Variants in HMGXB3 observed in about 807,000 individuals in gnomAD.
HMGXB3 encodes the protein HMG-box containing 3.
In HMGXB3, 45 loss-of-function variants were observed where a neutral mutation model predicts 121.5. That is an observed-to-expected ratio of 0.37 (90% confidence interval 0.29 to 0.47). The LOEUF is 0.47. Among genes scored for constraint, HMGXB3 ranks in the 20% least tolerant of loss-of-function variants. The pLI is 0.99. For synonymous variants in HMGXB3, 590 were observed against 624.1 expected, an observed-to-expected ratio of 0.95 and a Z score of 0.81; for missense variants, 1,376 against 1,602.2, an observed-to-expected ratio of 0.86 and a Z score of 2.41.
In HMGXB3 at chr5:150,046,865, T is replaced by C. The variant is rs1230047438; in HGVS notation, c.2951-759T>C. Among the ~76,000 whole-genome samples, 3 of 150,902 alleles carry C rather than the reference T, an allele frequency of 2.0e-5. No homozygotes were observed. In the East Asian group the frequency reaches 5.9e-4, roughly 30 times the overall value. The stretch of plus-strand genomic sequence containing the variant: ...GATACTGAGGTCCACCTCATATTCC[T>C]GCTAATATTTTAAGGGCCCAGGCAT... On this transcript the variant is annotated intron_variant, in intron 16 of 19. Coordinates refer to ENST00000502717, the MANE Select transcript of HMGXB3 (RefSeq NM_014983.3).
At chr5:150,042,483 C>T (rs896095079) in intron 15 of HMGXB3, among the ~76,000 whole-genome samples, 1 of 152,104 alleles carries the variant, frequency 6.6e-6, no homozygotes, top group Non-Finnish European at 1.5e-5. Flanking sequence ...AGATCTGAAA[C>T]CCATGTGGCT....
At chr5:150,026,626 A>G (rs1756236099) in intron 7 of HMGXB3, 80 bp from the exon 8 acceptor site, 2 of 1,241,082 alleles carry the variant, frequency 1.6e-6, no homozygotes, top group Non-Finnish European at 2.2e-6. Flanking sequence ...ATCCTCTAAG[A>G]AAGCACTATG....
chr5:150,010,223 G>A lies in HMGXB3; in HGVS notation c.425G>A (p.Arg142Gln), dbSNP rs754476196. The A allele has an allele frequency of 1.5e-5, 23 of 1,551,718 alleles. No individual in the cohort carries two copies. Among genetic ancestry groups the A allele is most frequent in the African/African-American group, 4.1e-5 (3 of 73,006 alleles). The stretch of plus-strand genomic sequence containing the variant: ...CCCAAGAGCAGCCTGCAGGAGGACC[G>A]GAGCTGCCCTCAGCTAGAGCTATGT... ...IIPKSSLQEDRSCPQLELCVA... is the reference protein window; with the variant it reads ...IIPKSSLQEDQSCPQLELCVA... Residue 142 changes from arginine (R) to glutamine (Q), a missense_variant, in exon 4 of 20, where the codon CGG becomes CAG. This residue lies in a region of HMGXB3 where 1,116 missense variants were observed against 1,369.0 expected (regional missense o/e 0.82). Coordinates refer to ENST00000502717, the MANE Select transcript of HMGXB3 (RefSeq NM_014983.3).
In HMGXB3 at chr5:150,050,470, C is replaced by T. The variant is rs935889732; in HGVS notation, c.3411+9C>T. Reference sequence around the variant, plus strand: ...CCACAGAGCCACCTGTGGTGAGTCACCTCCTGAGGAACTGCCATGTCTCCT... The same window carrying T: ...CCACAGAGCCACCTGTGGTGAGTCATCTCCTGAGGAACTGCCATGTCTCCT... On this transcript the variant is annotated intron_variant, in intron 19 of 19. Coordinates refer to ENST00000502717, the MANE Select transcript of HMGXB3 (RefSeq NM_014983.3). The T allele has an allele frequency of 2.8e-5, 43 of 1,542,252 alleles. No individual in the cohort carries two copies. Among genetic ancestry groups the T allele is most frequent in the Middle Eastern group, 1.7e-4 (1 of 5,980 alleles).
At chr5:150,025,634 C>T (rs951553676) in intron 7 of HMGXB3, among the ~76,000 whole-genome samples, 2 of 151,936 alleles carry the variant, frequency 1.3e-5, no homozygotes. Context: ...GTGGTGCGAA[C>T]ACAGCTCCCT....
In HMGXB3 at chr5:150,010,574, T is replaced by C. The variant is rs1380200981; in HGVS notation, c.776T>C (p.Val259Ala). ...TGSLAVPHPQ[V>A]GESVSVVTVM... ...AGCCTGGCTGTGCCCCACCCCCAGG[T>C]TGGGGAGAGTGTATCAGTGGTAACA... Residue 259 changes from valine (V) to alanine (A), a missense_variant, in exon 4 of 20, where the codon GTT becomes GCT. Transcript: ENST00000502717. 3 of 1,551,018 alleles carry C rather than the reference T, an allele frequency of 1.9e-6. No individual in the cohort carries two copies. Among genetic ancestry groups the C allele is most frequent in the African/African-American group, 2.7e-5 (2 of 73,018 alleles).
At chr5:150,001,298 C>G (rs970784578) in intron 1 of HMGXB3, 119 bp downstream of exon 1, 2 of 152,322 alleles carry the variant, frequency 1.3e-5, no homozygotes, top group Non-Finnish European at 1.5e-5. Flanking sequence ...TTAGTGTCCT[C>G]CTTCCGCAAT....
At chr5:150,051,148 G>T (rs972714744) in intron 19 of HMGXB3, among the ~76,000 whole-genome samples, 1 of 152,170 alleles carries the variant, frequency 6.6e-6, no homozygotes, top group Admixed American at 6.5e-5. Flanking sequence ...CAGATTAGTG[G>T]CAGAGCCCTT....
intron 6 of HMGXB3, among the ~76,000 whole-genome samples, chr5:150,019,259 T>A (rs1217832776): frequency 6.6e-6 from 1 of 152,234 alleles, no homozygotes; most frequent in Non-Finnish European, 1.5e-5. Flanking sequence ...TTTACTTGTT[T>A]CTGTCATCCC....
At chr5:150,027,275 C>T (rs1260961180) in intron 9 of HMGXB3, among the ~76,000 whole-genome samples, 158 bp downstream of exon 9, 1 of 152,232 alleles carries the variant, frequency 6.6e-6, no homozygotes, top group African/African-American at 2.4e-5. Flanking sequence ...TAAGTAATTT[C>T]TTAAAACTTA....
chr5:150,043,673 A>T (rs1756690910), intron 15 of HMGXB3, among the ~76,000 whole-genome samples: 1 of 152,222 alleles, frequency 6.6e-6, no homozygotes. Flanking sequence ...GCTAAGATTT[A>T]TTGAGCATTT....
chr5:150,037,255 AC>A (rs1756521147), intron 12 of HMGXB3, 144 bp from the exon 13 acceptor site: 6 of 800,702 alleles, frequency 7.5e-6, no homozygotes, highest in South Asian at 4.0e-5. Context: ...GGATGATTCC[AC>A]AGATTCCAAC....
chr5:150,019,935 T>A (rs1756049313), intron 6 of HMGXB3, among the ~76,000 whole-genome samples: 2 of 152,206 alleles, frequency 1.3e-5, no homozygotes, highest in African/African-American at 4.8e-5. Context: ...GGAGACAGGA[T>A]AATTAAGAAC....
intron 14 of HMGXB3, 48 bp downstream of exon 14, chr5:150,040,927 C>T (rs1043508116): frequency 8.2e-6 from 12 of 1,462,420 alleles, no homozygotes; most frequent in East Asian, 8.1e-5. Context: ...TAAGCTCCCT[C>T]GGAATTTTCA....
rs369898577 is a variant in HMGXB3 at position 150,052,215 on chromosome 5, A to G, written c.*23A>G. ...TAAGCCAGGCTGTTGTACAGGGACT[A>G]CACCATCTCTCAAGCCATAGTAAGG... On this transcript the variant is annotated 3_prime_UTR_variant, in exon 20 of 20. Transcript: ENST00000502717. 1.5e-5 allele frequency: 23 copies of G among 1,498,446 alleles called. No homozygotes were observed. The African/African-American group carries it at 1.7e-4, about 11-fold the overall frequency. 92.8% of individuals were successfully genotyped at this position (1,498,446 alleles called of 1,614,324 possible).
Position 150,010,510 on chromosome 5 carries a change from G to A in HMGXB3, c.712G>A (p.Glu238Lys), listed in dbSNP as rs1221119691. 2 of 1,551,666 alleles carry A rather than the reference G, an allele frequency of 1.3e-6. No homozygotes were observed. The highest frequency in any genetic ancestry group is 1.7e-4 in the Middle Eastern group (1 of 5,992). Residue 238 changes from glutamate to lysine, a missense_variant, in exon 4 of 20, where the codon GAG (glutamate) becomes AAG (lysine). By Grantham distance (56) the Glu-to-Lys change is moderately conservative. Around this residue, in one of 2 missense-constraint regions of HMGXB3, gnomAD observed 1,116 missense variants for 1,369.0 expected, o/e 0.82. Transcript: ENST00000502717. ...QPYQTSLVIE[E>K]TLVNGSPDLP... ...TTACCAGACAAGCCTGGTAATTGAA[G>A]AGACCTTGGTGAATGGCTCACCAGA...
At chr5:150,008,094 C>CACACGT (rs1755749825) in intron 3 of HMGXB3, among the ~76,000 whole-genome samples, 3 of 147,620 alleles carry the variant, frequency 2.0e-5, no homozygotes, top group African/African-American at 5.0e-5. Flanking sequence ...CACACACACA[C>CACACGT]ACACAAATCA....
intron 1 of HMGXB3, among the ~76,000 whole-genome samples, chr5:150,003,440 C>T (rs1000661424): frequency 9.2e-5 from 14 of 151,966 alleles, no homozygotes; most frequent in African/African-American, 3.4e-4. Flanking sequence ...GCATCTCAGA[C>T]ACAGATAATA....
In HMGXB3 at chr5:150,020,026, A is replaced by G. The variant is rs114153336; in HGVS notation, c.1041+1329A>G. Among the ~76,000 whole-genome samples the G allele has an allele frequency of 2.1e-3, 326 of 152,330 alleles. 1 individual carries two copies. Among genetic ancestry groups the G allele is most frequent in the African/African-American group, 7.5e-3 (311 of 41,570 alleles). ...TATGTAATCTTGGTCAAGACATTCT[A>G]TATCTGTTCCTGGATTTAAGTTTTG... On this transcript the variant is annotated intron_variant, in intron 6 of 19. Transcript: ENST00000502717.
Sources: allele counts gnomAD v4.1 joint callset (sites outside exome capture counted in the v4.1 genomes callset), GRCh38; gene constraint gnomAD v4.1.1; regional missense constraint gnomAD v4.1.1; transcripts MANE v1.5; gene names NCBI Gene and HGNC (gene_info 2026-07-23, HGNC 2026-07-21).